ZNF541: variants seen among roughly 807,000 people sequenced by gnomAD.
ZNF541 encodes the protein zinc finger protein 541.
A neutral mutation model predicts 123.5 loss-of-function variants in ZNF541; 23 were observed. The observed-to-expected ratio is 0.19, with a 90% confidence interval of 0.13 to 0.26. The LOEUF is 0.26. Among genes scored for constraint, ZNF541 ranks in the 10% least tolerant of loss-of-function variants. The probability of loss-of-function intolerance (pLI) is 1.00; values close to 1 mark genes in which losing one functional copy is unlikely to be tolerated. For synonymous variants in ZNF541, 751 were observed against 754.5 expected, an observed-to-expected ratio of 1.00 and a Z score of 0.08; for missense variants, 1,612 against 1,789.9, an observed-to-expected ratio of 0.90 and a Z score of 1.79.
At chr19:47,566,986 GC>G (rs1418512436) in intron 2 of ZNF541, among the ~76,000 whole-genome samples, 2 of 151,920 alleles carry the variant, frequency 1.3e-5, no homozygotes, top group African/African-American at 2.4e-5. Flanking sequence ...GGGAGGCGGA[GC>G]TTGCAGTGAG....
At chr19:47,532,036 C>T (rs766213039) in intron 11 of ZNF541, 92 bp downstream of exon 11, 61 of 1,470,928 alleles carry the variant, frequency 4.1e-5, no homozygotes, top group South Asian at 1.2e-4. Context: ...TTGGATCTAG[C>T]GGTCAGGAGT....
intron 3 of ZNF541, among the ~76,000 whole-genome samples, 165 bp downstream of exon 3, chr19:47,555,385 A>G (rs1158922984): frequency 6.6e-6 from 1 of 151,800 alleles, no homozygotes; most frequent in Non-Finnish European, 1.5e-5. Context: ...AAAAAAAAAA[A>G]AGAATTGGGG....
intron 2 of ZNF541, among the ~76,000 whole-genome samples, chr19:47,562,910 G>C (rs2123373058): frequency 6.6e-6 from 1 of 152,188 alleles, no homozygotes; most frequent in South Asian, 2.1e-4. Context: ...TTCCATTTGG[G>C]GGCTATTGTG....
At chr19:47,523,410 C>T (rs7248260) in intron 14 of ZNF541, among the ~76,000 whole-genome samples, 18,398 of 147,790 alleles carry the variant, frequency 0.12, 3,348 homozygotes, top group African/African-American at 0.4. Context: ...GAAATTAAAT[C>T]GGCTATTGAG....
chr19:47,539,303 T>G (rs965569176), intron 8 of ZNF541, among the ~76,000 whole-genome samples: 2 of 149,682 alleles, frequency 1.3e-5, no homozygotes, highest in South Asian at 4.3e-4. Flanking sequence ...TTTTCTTTTT[T>G]TTTTTTTTTT....
In ZNF541 at chr19:47,545,213, A is replaced by G. The variant is rs2123145964; in HGVS notation, c.1316T>C (p.Val439Ala). 3.9e-6 allele frequency: 6 copies of G among 1,533,808 alleles called. No homozygotes were observed. Among genetic ancestry groups the G allele is most frequent in the African/African-American group, 1.4e-5 (1 of 72,744 alleles). Residue 439 changes from valine to alanine, a missense_variant, in exon 5 of 17, where the codon GTG (valine) becomes GCG (alanine). Around this residue, in one of 5 missense-constraint regions of ZNF541, gnomAD observed 1,080 missense variants for 1,013.8 expected, o/e 1.07. Transcript: ENST00000391901. The surrounding 1 kb of genome is among the most constrained non-coding windows in gnomAD (Gnocchi z 7.5). ...NVFVVHKPSA[V>A]PSREGSESGP... Reference sequence around the variant, plus strand: ...AGACTCGGAGCCCTCCCGCGAGGGCACGGCCGAGGGCTTGTGGACAACAAA... The same window carrying G: ...AGACTCGGAGCCCTCCCGCGAGGGCGCGGCCGAGGGCTTGTGGACAACAAA...
intron 14 of ZNF541, 117 bp downstream of exon 14, chr19:47,528,831 AAG>A (rs1969430211): frequency 1.4e-6 from 1 of 704,852 alleles, no homozygotes; most frequent in Admixed American, 2.4e-5. Flanking sequence ...TGTCTACAGT[AAG>A]AGTGCTGCCA....
rs769948846 is a variant in ZNF541, at chr19:47,538,425, G to A, written c.2811C>T (p.Asp937=). The A allele has an allele frequency of 1.3e-5, 20 of 1,520,184 alleles. No homozygotes were observed. Among genetic ancestry groups the A allele is most frequent in the African/African-American group, 4.2e-5 (3 of 71,992 alleles). The allele number at this position is 1,520,184 out of a possible 1,614,324, so 94.2% of individuals were successfully genotyped here. Residue 937 remains aspartate (D), a synonymous_variant, in exon 9 of 17, where the codon GAC becomes GAT. Transcript: ENST00000391901. Reference sequence around the variant, plus strand: ...TCTCCTTGCTGTCTCGCTCCTCCCCGTCTTTCTCTTGTCCCTGAAGAAGTT... The same window carrying A: ...TCTCCTTGCTGTCTCGCTCCTCCCCATCTTTCTCTTGTCCCTGAAGAAGTT... ...IGSMAMGQEK[D]GEERDSKESS... is the part of the protein sequence containing the mutation.
In ZNF541 at chr19:47,521,754, C is replaced by T. The variant is rs1969041590; in HGVS notation, c.3711+100G>A. ...CGTGTCTCCTGCAGGAAAACCCTTC[C>T]ATCAGGAGCACCCCCGCCCTCTGAC... is the stretch of plus-strand genomic sequence containing the variant. On this transcript the variant is annotated intron_variant, in intron 15 of 16. Transcript: ENST00000391901. This position sits in a 1 kb window ranked among gnomAD's most constrained non-coding sequence, Gnocchi z 4.2. 2.0e-6 allele frequency: 3 copies of T among 1,520,336 alleles called. No individual in the cohort carries two copies. The South Asian group carries it at 3.8e-5, about 19-fold the overall frequency. The allele number at this position is 1,520,336 out of a possible 1,614,324, so 94.2% of individuals were successfully genotyped here.
intron 14 of ZNF541, among the ~76,000 whole-genome samples, chr19:47,523,956 G>T (rs1969168720): frequency 6.6e-6 from 1 of 152,224 alleles, no homozygotes; most frequent in Non-Finnish European, 1.5e-5. Flanking sequence ...GCTGGGCAAA[G>T]AGCCATCCAA....
rs997545524 is a variant in ZNF541 at position 47,544,235 on chromosome 19, T to C, written c.2294A>G (p.Asp765Gly). The C allele has an allele frequency of 2.1e-5, 33 of 1,551,452 alleles. No individual in the cohort carries two copies. The Admixed American group carries it at 6.1e-4, about 29-fold the overall frequency. ...SGFRKEKAKM[D>G]MCCAASPSQV... ...GCTCGGAGAAGCCGCACAGCACATA[T>C]CCATCTTCGCCTTCTCTTTCCGGAA... Residue 765 changes from aspartate (D) to glycine (G), a missense_variant, in exon 5 of 17, where the codon GAT (aspartate) becomes GGT (glycine). Asp to Gly is a moderately conservative substitution (Grantham distance 94). Coordinates refer to ENST00000391901, the MANE Select transcript of ZNF541 (RefSeq NM_001277075.3).
intron 12 of ZNF541, among the ~76,000 whole-genome samples, chr19:47,531,246 G>A (rs1298146912): frequency 7.4e-6 from 1 of 135,132 alleles, no homozygotes; most frequent in Non-Finnish European, 1.6e-5. Context: ...GGGGGGGGGG[G>A]GGGTCCTTGG....
At position 47,540,285 on chromosome 19, in the gene ZNF541, A is replaced by G. The variant is rs1401815239; in HGVS notation, c.2513T>C (p.Phe838Ser). ...CATCTGGCTGCAGTTCTTGCAGACA[A>G]AAGTGCTCCTGGGCTTCGTCCAGTC... ...PTDWTKPRST[F>S]VCKNCSQMFY... The change falls in exon 7 of 17, where the codon TTT becomes TCT. Residue 838 changes from phenylalanine (F) to serine (S), a missense_variant. Transcript: ENST00000391901. The G allele has an allele frequency of 6.4e-7, 1 of 1,551,986 alleles. No homozygotes were observed. Among genetic ancestry groups the G allele is most frequent in the African/African-American group, 1.4e-5 (1 of 73,174 alleles).
Position 47,521,415 on chromosome 19 carries a change from A to T in ZNF541, c.3888-38T>A. On this transcript the variant is annotated intron_variant, in intron 16 of 16. Transcript: ENST00000391901. This position sits in a 1 kb window ranked among gnomAD's most constrained non-coding sequence, Gnocchi z 4.2. The stretch of plus-strand genomic sequence containing the variant: ...CAGAGGACATGGGGTCAGAGCAGGG[A>T]GGAAGGGATCACAGGGGCTGAGGCT... 6.4e-7 allele frequency: 1 copy of T among 1,550,942 alleles called. No homozygotes were observed. Among genetic ancestry groups the T allele is most frequent in the Non-Finnish European group, 8.7e-7 (1 of 1,146,270 alleles).
intron 12 of ZNF541, among the ~76,000 whole-genome samples, chr19:47,531,238 G>C (rs991578114): frequency 7.0e-5 from 10 of 142,354 alleles, no homozygotes; most frequent in South Asian, 2.2e-4. Flanking sequence ...TGAGCGGGGG[G>C]GGGGGGGGGG....
rs897016524 is a variant in ZNF541 at position 47,572,030 on chromosome 19, A to T, written c.-233T>A. Among the ~76,000 whole-genome samples, 4 of 152,144 alleles carry T rather than the reference A, an allele frequency of 2.6e-5. No homozygotes were observed. The highest frequency in any genetic ancestry group is 7.2e-5 in the African/African-American group (3 of 41,448). ...TGAGTGGTAAATGCAGGATACTCCC[A>T]ATTTCTTTTGCCCTGAAAGCAGGTG... On this transcript the variant is annotated 5_prime_UTR_variant, in exon 2 of 17. Coordinates refer to ENST00000391901, the MANE Select transcript of ZNF541 (RefSeq NM_001277075.3).
chr19:47,543,799 C>T (rs1026643388), intron 5 of ZNF541, among the ~76,000 whole-genome samples: 8 of 151,860 alleles, frequency 5.3e-5, no homozygotes, highest in Admixed American at 2.6e-4. Context: ...TGTGCCACCA[C>T]GCCCAGCTAC....
intron 2 of ZNF541, 39 bp from the exon 3 acceptor site, chr19:47,555,993 C>T: frequency 1.1e-6 from 1 of 919,132 alleles, no homozygotes; most frequent in East Asian, 2.7e-5. Context: ...TATTAGGTGG[C>T]AAAACAGCAT....
intron 3 of ZNF541, among the ~76,000 whole-genome samples, chr19:47,555,007 T>C (rs2914016): frequency 0.14 from 20,838 of 149,558 alleles, 2,594 homozygotes; most frequent in African/African-American, 0.34. Context: ...GGCAGGAGAA[T>C]TGCTTGAACC....
Sources: gnomAD v4.1 joint callset for allele counts (sites outside exome capture counted in the v4.1 genomes callset) on GRCh38, gnomAD v4.1.1 for gene constraint, gnomAD v4.1.1 regional missense constraint, Gnocchi (gnomAD v3.1) non-coding constraint, MANE v1.5 for transcripts, NCBI Gene and HGNC (gene_info 2026-07-23, HGNC 2026-07-21) for gene names.